Variants in LMNB2 observed in about 807,000 individuals in gnomAD.
LMNB2 encodes the protein lamin B2, also known as lamin-B2.
In LMNB2, 17 loss-of-function variants were observed where a neutral mutation model predicts 69.3. That is an observed-to-expected ratio of 0.25 (90% confidence interval 0.17 to 0.37). The LOEUF (loss-of-function observed/expected upper bound fraction) is 0.37. Ranked by LOEUF, LMNB2 falls within the 10% of genes least tolerant of loss-of-function variation. LMNB2 has a pLI of 1.00. For missense variants in LMNB2, 789 were observed against 883.6 expected, an observed-to-expected ratio of 0.89 and a Z score of 1.36; for synonymous variants, 397 against 389.3, an observed-to-expected ratio of 1.02 and a Z score of -0.23.
At chr19:2,431,983 AG>A in intron 9 of LMNB2, 81 bp from the exon 10 acceptor site, 1 of 1,526,762 alleles carries the variant, frequency 6.5e-7, no homozygotes, top group Non-Finnish European at 8.8e-7. Flanking sequence ...CCTACCACAA[AG>A]CCCCCTTCAA....
Position 2,440,522 on chromosome 19 carries a change from C to T in LMNB2, c.402-1991G>A, listed in dbSNP as rs553616217. ...TAGCTATATCTATCTATTGCTCTAT[C>T]TATTACTGTCTATCCATCTACCCAT... On this transcript the variant is annotated intron_variant, in intron 2 of 11. Coordinates refer to ENST00000325327, the MANE Select transcript of LMNB2 (RefSeq NM_032737.4). Among the ~76,000 whole-genome samples, 10 of 152,300 alleles carry T rather than the reference C, an allele frequency of 6.6e-5. No homozygotes were observed. The South Asian group carries it at 2.1e-3, about 32-fold the overall frequency.
chr19:2,452,434 G>GAA (rs1043441517), intron 1 of LMNB2, among the ~76,000 whole-genome samples: 150 of 116,862 alleles, frequency 1.3e-3, no homozygotes, highest in Middle Eastern at 0.01. Context: ...ACTCTGTCTA[G>GAA]AAAAAAAAAA....
chr19:2,444,540 C>T lies in LMNB2; in HGVS notation c.265G>A (p.Val89Met). The change falls in exon 2 of 12, where the codon GTG (valine) becomes ATG (methionine). Residue 89 changes from valine (V) to methionine (M), a missense_variant and splice_region_variant. Coordinates refer to ENST00000325327, the MANE Select transcript of LMNB2 (RefSeq NM_032737.4). ...SEKEEVTTRE[V>M]SGIKALYESE... is the part of the protein sequence containing the mutation. The stretch of plus-strand genomic sequence containing the variant: ...TCGTACAGCGCCTTGATGCCACTCA[C>T]CTGGGGAGACCCAGGACAGGGTGAA... The T allele has an allele frequency of 6.2e-7, 1 of 1,609,248 alleles. No individual in the cohort carries two copies. Among genetic ancestry groups the T allele is most frequent in the Non-Finnish European group, 8.5e-7 (1 of 1,179,992 alleles).
rs373129186 is a variant in LMNB2 at position 2,431,538 on chromosome 19, G to A, written c.1821+10C>T. On this transcript the variant is annotated intron_variant, in intron 11 of 11. Transcript: ENST00000325327. Reference sequence around the variant, plus strand: ...TGCCCCCCAGCCGCAAGTGGGCACAGGGGTCCTACCTGTTGGTGGAAAAGA... The same window carrying A: ...TGCCCCCCAGCCGCAAGTGGGCACAAGGGTCCTACCTGTTGGTGGAAAAGA... 8 of 1,613,942 alleles carry A rather than the reference G, an allele frequency of 5.0e-6. No homozygotes were observed. The highest frequency in any genetic ancestry group is 6.8e-6 in the Non-Finnish European group (8 of 1,179,964).
At chr19:2,431,061 C>T (rs1971733353) in intron 11 of LMNB2, 109 bp from the exon 12 acceptor site, 2 of 748,666 alleles carry the variant, frequency 2.7e-6, no homozygotes, top group South Asian at 1.4e-5. Flanking sequence ...TGAGCAACAA[C>T]AGTGTCTATT....
At chr19:2,445,516 G>A (rs71339108) in intron 1 of LMNB2, among the ~76,000 whole-genome samples, 2 of 145,086 alleles carry the variant, frequency 1.4e-5, no homozygotes, top group Admixed American at 6.9e-5. Flanking sequence ...AGAGTCCCCA[G>A]CTCCCCACCC....
chr19:2,456,555 A>G, intron 1 of LMNB2, 115 bp downstream of exon 1: 1 of 1,118,264 alleles, frequency 8.9e-7, no homozygotes, highest in Non-Finnish European at 1.1e-6. Context: ...AAACCCCCGA[A>G]GCCGGGGCCC....
chr19:2,449,802 G>A (rs1206408260), intron 1 of LMNB2, among the ~76,000 whole-genome samples: 1 of 151,714 alleles, frequency 6.6e-6, no homozygotes, highest in Non-Finnish European at 1.5e-5. Flanking sequence ...ATGTCTGGGC[G>A]CCGTGGCTCA....
At chr19:2,438,066 C>CG in intron 4 of LMNB2, 97 bp downstream of exon 4, 1 of 1,578,760 alleles carries the variant, frequency 6.3e-7, no homozygotes, top group Admixed American at 1.7e-5. Flanking sequence ...GGAGGGACCC[C>CG]GGCCACACGG....
intron 7 of LMNB2, 89 bp downstream of exon 7, chr19:2,434,206 C>T: frequency 6.5e-7 from 1 of 1,544,956 alleles, no homozygotes; most frequent in Non-Finnish European, 8.7e-7. Context: ...CCACCCCTGC[C>T]CAGCACTCCC....
In LMNB2 at chr19:2,453,407, C is replaced by T. The variant is rs1469714248; in HGVS notation, c.264+3263G>A. On this transcript the variant is annotated intron_variant, in intron 1 of 11. Coordinates refer to ENST00000325327, the MANE Select transcript of LMNB2 (RefSeq NM_032737.4). This position sits in a 1 kb window ranked among gnomAD's most constrained non-coding sequence, Gnocchi z 4.4. ...CGTGGCCCACCTGTGTCTAGAAGGC[C>T]CCCAGCTATTCCAGGTCACTCCCTC... is the stretch of plus-strand genomic sequence containing the variant. Among the ~76,000 whole-genome samples the T allele has an allele frequency of 4.0e-5, 6 of 151,872 alleles. No homozygotes were observed. Among genetic ancestry groups the T allele is most frequent in the African/African-American group, 9.7e-5 (4 of 41,326 alleles).
chr19:2,448,452 G>A (rs1190958491), intron 1 of LMNB2, among the ~76,000 whole-genome samples: 1 of 152,190 alleles, frequency 6.6e-6, no homozygotes, highest in East Asian at 1.9e-4. Flanking sequence ...GGGACACACA[G>A]GAGCCCGTTC....
rs1227422251 is a variant in LMNB2, at chr19:2,432,509, C to G, written c.1497G>C (p.Gly499=). 1.2e-6 allele frequency: 2 copies of G among 1,613,504 alleles called. No homozygotes were observed. The highest frequency in any genetic ancestry group is 1.7e-5 in the Admixed American group (1 of 59,994). ...AGACCTGCCTCTTGATTCTCCAGTT[C>G]CCCAGAGACTGATCCTGGAAGACAC... ...KNNSDKDQSL[G]NWRIKRQVLE... The change falls in exon 9 of 12, where the codon GGG becomes GGC. Residue 499 remains glycine (G), a synonymous_variant. Coordinates refer to ENST00000325327, the MANE Select transcript of LMNB2 (RefSeq NM_032737.4).
chr19:2,438,895 T>G (rs1333202850), intron 2 of LMNB2, among the ~76,000 whole-genome samples: 4 of 152,214 alleles, frequency 2.6e-5, no homozygotes, highest in African/African-American at 9.6e-5. Flanking sequence ...CAGCCTTGTT[T>G]GTAAACTTAA....
At chr19:2,431,429 A>C (rs1971737872) in intron 11 of LMNB2, 119 bp downstream of exon 11, 1 of 1,329,922 alleles carries the variant, frequency 7.5e-7, no homozygotes. Context: ...ACCCTGAGCC[A>C]CGGCAGCCAG....
chr19:2,444,836 G>T (rs1001743535), intron 1 of LMNB2, among the ~76,000 whole-genome samples: 1 of 152,192 alleles, frequency 6.6e-6, no homozygotes, highest in African/African-American at 2.4e-5. Context: ...GTCTCTCCAC[G>T]AGCTCCAGCT....
rs564070664 is a variant in LMNB2 at position 2,447,232 on chromosome 19, A to C, written c.265-2692T>G. Among the ~76,000 whole-genome samples the C allele has an allele frequency of 1.3e-5, 2 of 152,346 alleles. No homozygotes were observed. The highest frequency in any genetic ancestry group is 4.1e-4 in the South Asian group (2 of 4,830). The stretch of plus-strand genomic sequence containing the variant: ...GTCCCTCCACCATCCACACACAGGA[A>C]CATGACCCAGCTGTGTAACGGAGCA... On this transcript the variant is annotated intron_variant, in intron 1 of 11. Coordinates refer to ENST00000325327, the MANE Select transcript of LMNB2 (RefSeq NM_032737.4). The surrounding 1 kb of genome is among the most constrained non-coding windows in gnomAD (Gnocchi z 4.4).
chr19:2,455,789 A>C (rs1972080072), intron 1 of LMNB2, among the ~76,000 whole-genome samples: 1 of 151,132 alleles, frequency 6.6e-6, no homozygotes. Flanking sequence ...GGGCCTGCCC[A>C]GGTGGCACCC....
At chr19:2,439,378 G>C (rs1340553399) in intron 2 of LMNB2, among the ~76,000 whole-genome samples, 1 of 151,682 alleles carries the variant, frequency 6.6e-6, no homozygotes, top group Admixed American at 6.6e-5. Context: ...CTGACATTTG[G>C]GGTGGTCGAG....
Sources: gnomAD v4.1 joint callset for allele counts (sites outside exome capture counted in the v4.1 genomes callset) on GRCh38, gnomAD v4.1.1 for gene constraint, Gnocchi (gnomAD v3.1) non-coding constraint, MANE v1.5 for transcripts, NCBI Gene and HGNC (gene_info 2026-07-23, HGNC 2026-07-21) for gene names.